The following GBF1 variants were observed in gnomAD, a reference collection of about 807,000 sequenced individuals.
The protein encoded by GBF1 is Golgi-specific brefeldin A-resistance guanine nucleotide exchange factor 1.
A neutral mutation model predicts 210.5 loss-of-function variants in GBF1; 114 were observed. That is an observed-to-expected ratio of 0.54 (90% CI 0.47 to 0.63). The LOEUF is 0.63. Ranked by LOEUF, GBF1 falls within the 30% of genes least tolerant of loss-of-function variation. The pLI, the probability that GBF1 is intolerant of heterozygous loss-of-function variation, is 0.00. For missense variants in GBF1, 1,851 were observed against 2,357.7 expected, an observed-to-expected ratio of 0.79 and a Z score of 4.45; for synonymous variants, 850 against 889.2, an observed-to-expected ratio of 0.96 and a Z score of 0.78.
At chr10:102,332,123 G>A (rs2057381161) in intron 3 of GBF1, among the ~76,000 whole-genome samples, 1 of 152,056 alleles carries the variant, frequency 6.6e-6, no homozygotes, top group Non-Finnish European at 1.5e-5. Context: ...GCCTCCCAAA[G>A]TGCTGGGATT....
At chr10:102,328,252 G>A (rs751466033) in intron 3 of GBF1, among the ~76,000 whole-genome samples, 1 of 152,186 alleles carries the variant, frequency 6.6e-6, no homozygotes, top group Non-Finnish European at 1.5e-5. Context: ...TAGCACTTTG[G>A]GAGGCCAAGG....
Position 102,376,322 on chromosome 10 carries a change from C to T in GBF1, c.3937C>T (p.Leu1313=). The T allele has an allele frequency of 6.2e-7, 1 of 1,613,998 alleles. No homozygotes were observed. The highest frequency in any genetic ancestry group is 8.5e-7 in the Non-Finnish European group (1 of 1,179,886). The change falls in exon 31 of 40, where the codon CTG becomes TTG. Residue 1313 remains leucine (L), a synonymous_variant. Coordinates refer to ENST00000369983, the MANE Select transcript of GBF1 (RefSeq NM_001377137.1). The stretch of plus-strand genomic sequence containing the variant: ...ATCCTACCATCAGAATGACGTGAGC[C>T]TGGATCGAGGGTACACTTCCGACTC... ...LPSYHQNDVS[L]DRGYTSDSEV... is the part of the protein sequence containing the mutation.
At chr10:102,291,598 C>T (rs2076442879) in intron 3 of GBF1, among the ~76,000 whole-genome samples, 1 of 152,178 alleles carries the variant, frequency 6.6e-6, no homozygotes, top group Non-Finnish European at 1.5e-5. Flanking sequence ...TCAGCTCTTA[C>T]TCTTGTTTTC....
At chr10:102,360,427 C>T (rs778101014) in intron 12 of GBF1, 32 bp downstream of exon 12, 3 of 1,426,336 alleles carry the variant, frequency 2.1e-6, no homozygotes, top group Non-Finnish European at 3.0e-6. Context: ...GTCTCAGAGC[C>T]TCTTTCAAGG....
At chr10:102,343,606 C>T (rs1197431148) in intron 3 of GBF1, among the ~76,000 whole-genome samples, 1 of 151,960 alleles carries the variant, frequency 6.6e-6, no homozygotes, top group African/African-American at 2.4e-5. Flanking sequence ...ATTGCTTGAG[C>T]TCAGGAGTTC....
chr10:102,269,210 C>G (rs941150921), intron 3 of GBF1, among the ~76,000 whole-genome samples: 12 of 152,218 alleles, frequency 7.9e-5, no homozygotes, highest in African/African-American at 2.7e-4. Context: ...TCACAACTGA[C>G]CTTTCCTTGT....
rs748223627 is a variant in GBF1 at position 102,361,837 on chromosome 10, A to G, written c.1611A>G (p.Thr537=). Residue 537 remains threonine, a synonymous_variant, in exon 14 of 40, where the codon ACA becomes ACG. Coordinates refer to ENST00000369983, the MANE Select transcript of GBF1 (RefSeq NM_001377137.1). ...VQLWRIPSFV[T]ELYINYDCDY... ...TCTGGCGCATCCCCAGCTTTGTCAC[A>G]GAGCTCTACATCAACTATGATTGTG... is the stretch of plus-strand genomic sequence containing the variant. 2 of 1,613,852 alleles carry G rather than the reference A, an allele frequency of 1.2e-6. No individual in the cohort carries two copies. The highest frequency in any genetic ancestry group is 1.7e-5 in the Admixed American group (1 of 59,992).
intron 3 of GBF1, among the ~76,000 whole-genome samples, chr10:102,342,256 C>G (rs961132668): frequency 5.3e-5 from 8 of 152,062 alleles, no homozygotes; most frequent in Non-Finnish European, 1.0e-4. Flanking sequence ...CCAGGATGGT[C>G]TCGATCTCCT....
intron 29 of GBF1, among the ~76,000 whole-genome samples, chr10:102,372,095 T>C (rs1274335593): frequency 6.6e-6 from 1 of 150,864 alleles, no homozygotes; most frequent in African/African-American, 2.4e-5. Context: ...GAGCGCCTGA[T>C]TGCTACTCGG....
At chr10:102,266,966 G>A (rs887741160) in intron 3 of GBF1, among the ~76,000 whole-genome samples, 1 of 152,208 alleles carries the variant, frequency 6.6e-6, no homozygotes, top group African/African-American at 2.4e-5. Context: ...GAGCTAGGAG[G>A]TTTGAGTCCA....
intron 1 of GBF1, among the ~76,000 whole-genome samples, chr10:102,250,336 T>C (rs187763163): frequency 8.4e-4 from 128 of 151,974 alleles, no homozygotes; most frequent in Non-Finnish European, 1.4e-3. Flanking sequence ...GCTGGGACTA[T>C]AGGTGCGTGC....
At chr10:102,319,176 C>T (rs1002328793) in intron 3 of GBF1, among the ~76,000 whole-genome samples, 18 of 152,182 alleles carry the variant, frequency 1.2e-4, no homozygotes, top group African/African-American at 2.9e-4. Context: ...CAAAATTAGC[C>T]GGGCGTGGTG....
At chr10:102,264,322 C>A (rs1367083665) in intron 3 of GBF1, among the ~76,000 whole-genome samples, 1 of 152,148 alleles carries the variant, frequency 6.6e-6, no homozygotes, top group Non-Finnish European at 1.5e-5. Flanking sequence ...CAGCTTCTGG[C>A]CCAGTTTGTC....
chr10:102,250,525 T>A (rs2071380929), intron 1 of GBF1, among the ~76,000 whole-genome samples: 1 of 16,750 alleles, frequency 6.0e-5, no homozygotes, highest in African/African-American at 6.5e-4. Flanking sequence ...GTCCCACTAA[T>A]TTTTTTTTTT....
chr10:102,305,340 C>T (rs57135418), intron 3 of GBF1, among the ~76,000 whole-genome samples: 27 of 152,196 alleles, frequency 1.8e-4, no homozygotes, highest in African/African-American at 6.5e-4. Context: ...TGGCCAGGTG[C>T]AGTGGCTCAT....
At chr10:102,295,124 G>A (rs1053050263) in intron 3 of GBF1, among the ~76,000 whole-genome samples, 2 of 152,144 alleles carry the variant, frequency 1.3e-5, no homozygotes, top group African/African-American at 4.8e-5. Flanking sequence ...TAGTTTTTCA[G>A]ATTAAAGGAT....
intron 4 of GBF1, among the ~76,000 whole-genome samples, chr10:102,348,732 G>A (rs559665702): frequency 6.6e-6 from 1 of 152,378 alleles, no homozygotes; most frequent in South Asian, 2.1e-4. Flanking sequence ...TCCCAGTGCT[G>A]AGTAGAAGGA....
chr10:102,365,307 C>T (rs2059852066), intron 17 of GBF1, 90 bp from the exon 18 acceptor site: 2 of 923,368 alleles, frequency 2.2e-6, no homozygotes, highest in Non-Finnish European at 3.5e-6. Flanking sequence ...TTTAGCTGAC[C>T]AACTGTGGGT....
intron 3 of GBF1, among the ~76,000 whole-genome samples, chr10:102,325,187 G>C (rs1198423136): frequency 6.6e-6 from 1 of 152,130 alleles, no homozygotes; most frequent in Non-Finnish European, 1.5e-5. Context: ...ACAGGGAGGA[G>C]TTATTTCACA....
Sources: gnomAD v4.1 joint callset for allele counts (sites outside exome capture counted in the v4.1 genomes callset) on GRCh38, gnomAD v4.1.1 for gene constraint, MANE v1.5 for transcripts, NCBI Gene and HGNC (gene_info 2026-07-23, HGNC 2026-07-21) for gene names.